The following DAGLA variants were observed in gnomAD, a reference collection of about 807,000 sequenced individuals.
DAGLA encodes the protein diacylglycerol lipase-alpha.
In DAGLA, 22 loss-of-function variants were observed where a neutral mutation model predicts 102.6. The ratio of observed to expected loss-of-function variants is 0.21; its 90% CI spans 0.15 to 0.31. The LOEUF (loss-of-function observed/expected upper bound fraction) is 0.31, where lower values mean the gene tolerates loss of function less well. Among genes scored for constraint, DAGLA ranks in the 10% least tolerant of loss-of-function variants. DAGLA has a pLI of 1.00. For missense variants in DAGLA, 927 were observed against 1,446.6 expected (o/e 0.64, Z 5.83); for synonymous variants, 578 against 628.9 (o/e 0.92, Z 1.21).
intron 1 of DAGLA, among the ~76,000 whole-genome samples, chr11:61,710,547 C>T (rs1196185522): frequency 6.6e-6 from 1 of 151,966 alleles, no homozygotes; most frequent in East Asian, 1.9e-4. Flanking sequence ...GTGTTGGGTC[C>T]CCTCTCCCTG....
At chr11:61,736,454 C>T in intron 13 of DAGLA, 104 bp downstream of exon 13, 1 of 933,390 alleles carries the variant, frequency 1.1e-6, no homozygotes, top group Non-Finnish European at 1.7e-6. Context: ...CTCACAACTC[C>T]CACACAAGCC....
At chr11:61,713,904 C>G (rs1041488815) in intron 1 of DAGLA, among the ~76,000 whole-genome samples, 1 of 152,182 alleles carries the variant, frequency 6.6e-6, no homozygotes, top group Non-Finnish European at 1.5e-5. Flanking sequence ...GGCATCAGTT[C>G]CTCTCCACTA....
chr11:61,730,037 C>G (rs1304424323), intron 8 of DAGLA, among the ~76,000 whole-genome samples: 2 of 151,742 alleles, frequency 1.3e-5, no homozygotes, highest in East Asian at 3.9e-4. Context: ...TGCCACTGCA[C>G]TCCAGCTGCA....
chr11:61,734,914 G>A lies in DAGLA; in HGVS notation c.1040G>A (p.Cys347Tyr), dbSNP rs1565262483. The A allele has an allele frequency of 6.2e-7, 1 of 1,614,114 alleles. No individual in the cohort carries two copies. Among genetic ancestry groups the A allele is most frequent in the Non-Finnish European group, 8.5e-7 (1 of 1,179,956 alleles). Residue 347 changes from cysteine to tyrosine, a missense_variant, in exon 10 of 20, where the codon TGT (cysteine) becomes TAT (tyrosine). Cys to Tyr is a radical substitution (Grantham distance 194). This residue lies in a region of DAGLA where 218 missense variants were observed against 459.6 expected (regional missense o/e 0.47). Coordinates refer to ENST00000257215, the MANE Select transcript of DAGLA (RefSeq NM_006133.3). The surrounding 1 kb of genome is among the most constrained non-coding windows in gnomAD (Gnocchi z 4.2). ...GTCACCATCGAGGAAGACAACTGCTGTGGCTGTAATGCCATTGCCATCCGG... is the reference window on the plus strand; with the variant it reads ...GTCACCATCGAGGAAGACAACTGCTATGGCTGTAATGCCATTGCCATCCGG... ...PGVTIEEDNC[C>Y]GCNAIAIRRH...
chr11:61,685,123 C>A (rs555268231), intron 1 of DAGLA, among the ~76,000 whole-genome samples: 2 of 152,110 alleles, frequency 1.3e-5, no homozygotes, highest in East Asian at 1.9e-4. Flanking sequence ...AGCATTGTAG[C>A]CCATGGGTAG....
In DAGLA at chr11:61,723,360, C is replaced by T. The variant is rs1427049706; in HGVS notation, c.410-74C>T. On this transcript the variant is annotated intron_variant, in intron 4 of 19. Coordinates refer to ENST00000257215, the MANE Select transcript of DAGLA (RefSeq NM_006133.3). ...TTGGGGTTAGGGAGGCTCCAATGTC[C>T]CTTTCTTCAGAGCGGGTGAGCCAGA... 3.2e-6 allele frequency: 5 copies of T among 1,568,184 alleles called. No individual in the cohort carries two copies. The East Asian group carries it at 1.1e-4, about 36-fold the overall frequency.
At chr11:61,738,498 A>G (rs985080935) in intron 16 of DAGLA, among the ~76,000 whole-genome samples, 1 of 152,178 alleles carries the variant, frequency 6.6e-6, no homozygotes, top group Non-Finnish European at 1.5e-5. Context: ...AGAGGCTCCC[A>G]TCACACAGAG....
At chr11:61,685,376 T>G (rs2064979591) in intron 1 of DAGLA, among the ~76,000 whole-genome samples, 1 of 152,134 alleles carries the variant, frequency 6.6e-6, no homozygotes, top group South Asian at 2.1e-4. Context: ...ATATTAGCAG[T>G]AGGGAAGATG....
chr11:61,692,811 T>G (rs1264669320), intron 1 of DAGLA, among the ~76,000 whole-genome samples: 1 of 151,796 alleles, frequency 6.6e-6, no homozygotes, highest in Non-Finnish European at 1.5e-5. Flanking sequence ...GTATGTGGAC[T>G]ACTCCACAAT....
At chr11:61,741,136 C>A in intron 18 of DAGLA, 26 bp from the exon 19 acceptor site, 1 of 1,591,572 alleles carries the variant, frequency 6.3e-7, no homozygotes, top group Non-Finnish European at 8.6e-7. Context: ...CTCCACCACC[C>A]CCAGCCTCCT....
chr11:61,739,420 T>G, intron 16 of DAGLA, 45 bp from the exon 17 acceptor site: 3 of 1,309,802 alleles, frequency 2.3e-6, no homozygotes, highest in Non-Finnish European at 3.1e-6. Flanking sequence ...CCCCAGCCAG[T>G]GCTACTTAGC....
intron 9 of DAGLA, among the ~76,000 whole-genome samples, chr11:61,733,554 C>T (rs1253446082): frequency 6.6e-6 from 1 of 152,236 alleles, no homozygotes; most frequent in Non-Finnish European, 1.5e-5. Flanking sequence ...CTGGCAGGCC[C>T]AGTCACGTGG....
At position 61,723,079 on chromosome 11, in the gene DAGLA, C is replaced by G. The variant is rs2065297746; in HGVS notation, c.409+119C>G. On this transcript the variant is annotated intron_variant, in intron 4 of 19. Transcript: ENST00000257215. The stretch of plus-strand genomic sequence containing the variant: ...AGGGCAGTGCCTTCTGTGGGGGCAC[C>G]AGCAGGTTGGCTGGGCGAGACTGCT... The G allele has an allele frequency of 8.2e-6, 7 of 856,826 alleles. No homozygotes were observed. In the Admixed American group the frequency reaches 1.3e-4, roughly 16 times the overall value. 53.1% of individuals were successfully genotyped at this position (856,826 alleles called of 1,614,324 possible). A position where few individuals can be genotyped will look rare whatever the true frequency, so the allele number is the denominator to read the frequency against.
At chr11:61,707,759 G>A (rs2065161291) in intron 1 of DAGLA, among the ~76,000 whole-genome samples, 1 of 152,196 alleles carries the variant, frequency 6.6e-6, no homozygotes, top group Non-Finnish European at 1.5e-5. Flanking sequence ...CTGGGCATGG[G>A]GTGCACTCAG....
At chr11:61,711,014 G>A (rs143985854) in intron 1 of DAGLA, among the ~76,000 whole-genome samples, 98 of 152,330 alleles carry the variant, frequency 6.4e-4, no homozygotes, top group African/African-American at 2.2e-3. Flanking sequence ...GGGCCAGAAG[G>A]CAGGCCTCGG....
chr11:61,685,881 G>A (rs572091340), intron 1 of DAGLA, among the ~76,000 whole-genome samples: 6 of 152,112 alleles, frequency 3.9e-5, no homozygotes, highest in Non-Finnish European at 8.8e-5. Flanking sequence ...GCTGTAGGGC[G>A]CATACAACAG....
chr11:61,735,122 C>A, intron 10 of DAGLA, 120 bp downstream of exon 10: 1 of 1,206,190 alleles, frequency 8.3e-7, no homozygotes, highest in African/African-American at 1.5e-5. Context: ...CTGGCTGCAG[C>A]TTCCAGGCAT....
At chr11:61,703,799 C>T (rs1373098833) in intron 1 of DAGLA, among the ~76,000 whole-genome samples, 2 of 152,152 alleles carry the variant, frequency 1.3e-5, no homozygotes, top group African/African-American at 4.8e-5. Context: ...TAACAAAAGA[C>T]AGGTTAACAA....
chr11:61,700,868 C>T (rs542856658), intron 1 of DAGLA, among the ~76,000 whole-genome samples: 293 of 152,344 alleles, frequency 1.9e-3, no homozygotes, highest in Middle Eastern at 3.4e-3. Flanking sequence ...CTCCCTGCTC[C>T]TCCAGCAACG....
Sources: gnomAD v4.1 joint callset for allele counts (sites outside exome capture counted in the v4.1 genomes callset) on GRCh38, gnomAD v4.1.1 for gene constraint, gnomAD v4.1.1 regional missense constraint, Gnocchi (gnomAD v3.1) non-coding constraint, MANE v1.5 for transcripts, NCBI Gene and HGNC (gene_info 2026-07-23, HGNC 2026-07-21) for gene names.